Variants in CARMIL3 observed in about 807,000 individuals in gnomAD.
CARMIL3 encodes capping protein, Arp2/3 and myosin-I linker protein 3.
A neutral mutation model predicts 180.8 loss-of-function variants in CARMIL3; 88 were observed. That is an observed-to-expected ratio of 0.49 (90% CI 0.41 to 0.58). CARMIL3 has a LOEUF of 0.58. Ranked by LOEUF, CARMIL3 falls within the 20% of genes least tolerant of loss-of-function variation. The pLI, the probability that CARMIL3 is intolerant of heterozygous loss-of-function variation, is 0.00. For missense variants in CARMIL3, 1,548 were observed against 1,787.0 expected (o/e 0.87, Z 2.41); for synonymous variants, 696 against 714.5 (o/e 0.97, Z 0.41).
At position 24,060,270 on chromosome 14, in the gene CARMIL3, C is replaced by T; in HGVS notation, c.2061+15C>T. 6.2e-7 allele frequency: 1 copy of T among 1,612,870 alleles called. No homozygotes were observed. Among genetic ancestry groups the T allele is most frequent in the African/African-American group, 1.3e-5 (1 of 75,050 alleles). On this transcript the variant is annotated intron_variant, in intron 24 of 39. Coordinates refer to ENST00000342740, the MANE Select transcript of CARMIL3 (RefSeq NM_138360.4). Reference sequence around the variant, plus strand: ...GCGCCGAGCAAGTAAACGTTTCCCTCTGGGACACGGGGCATACCCGGGGCA... The same window carrying T: ...GCGCCGAGCAAGTAAACGTTTCCCTTTGGGACACGGGGCATACCCGGGGCA...
At position 24,059,961 on chromosome 14, in the gene CARMIL3, G is replaced by A. The variant is rs1227995680; in HGVS notation, c.1869-9G>A. 5 of 1,613,698 alleles carry A rather than the reference G, an allele frequency of 3.1e-6. No individual in the cohort carries two copies. In the South Asian group the frequency reaches 5.5e-5, roughly 18 times the overall value. On this transcript the variant is annotated splice_polypyrimidine_tract_variant and intron_variant, in intron 22 of 39. Transcript: ENST00000342740. The surrounding 1 kb of genome is among the most constrained non-coding windows in gnomAD (Gnocchi z 6.3). The stretch of plus-strand genomic sequence containing the variant: ...TGTTCCCACCCAGCTGTGCCCCTGT[G>A]TCCCACAGCAACCACACGCTGCGCT...
At chr14:24,057,345 C>A in intron 14 of CARMIL3, 101 bp downstream of exon 14, 1 of 1,069,896 alleles carries the variant, frequency 9.3e-7, no homozygotes, top group Non-Finnish European at 1.4e-6. Flanking sequence ...GCGGGCAGAG[C>A]TGTCTAGATG....
At chr14:24,062,110 C>T in intron 27 of CARMIL3, 1 of 364,458 alleles carries the variant, frequency 2.7e-6, no homozygotes, top group South Asian at 3.7e-5. Flanking sequence ...AACAGCTAGG[C>T]CCAAGGAAGG....
At position 24,059,837 on chromosome 14, in the gene CARMIL3, A is replaced by C. The variant is rs1324500971; in HGVS notation, c.1868+105A>C. The C allele has an allele frequency of 3.2e-5, 49 of 1,538,274 alleles. No homozygotes were observed. The highest frequency in any genetic ancestry group is 4.4e-5 in the Non-Finnish European group (49 of 1,113,550). ...ACCCTAGCCCCTTTGACCTATTTGC[A>C]CAGAAATTTTAGGAAGGGCCATGGA... is the stretch of plus-strand genomic sequence containing the variant. On this transcript the variant is annotated intron_variant, in intron 22 of 39. Coordinates refer to ENST00000342740, the MANE Select transcript of CARMIL3 (RefSeq NM_138360.4). This position sits in a 1 kb window ranked among gnomAD's most constrained non-coding sequence, Gnocchi z 6.3.
In CARMIL3 at chr14:24,069,727, A is replaced by C; in HGVS notation, c.*323A>C. ...TTGTATAGAATAAAAAAACAAAATC[A>C]TCGCCTGCCTCGAGTCTCTGCTATC... is the stretch of plus-strand genomic sequence containing the variant. On this transcript the variant is annotated 3_prime_UTR_variant, in exon 40 of 40. Transcript: ENST00000342740. 65 of 324,950 alleles carry C rather than the reference A, an allele frequency of 2.0e-4. No homozygotes were observed. The highest frequency in any genetic ancestry group is 9.0e-4 in the Middle Eastern group (1 of 1,112). The allele number at this position is 324,950 out of a possible 1,614,324, so 20.1% of individuals were successfully genotyped here.
Position 24,056,656 on chromosome 14 carries a change from C to T in CARMIL3, c.900C>T (p.Phe300=). The T allele has an allele frequency of 6.2e-7, 1 of 1,613,862 alleles. No individual in the cohort carries two copies. The highest frequency in any genetic ancestry group is 8.5e-7 in the Non-Finnish European group (1 of 1,180,024). The change falls in exon 12 of 40, where the codon TTC becomes TTT. Residue 300 remains phenylalanine, a synonymous_variant. Transcript: ENST00000342740. Reference sequence around the variant, plus strand: ...GTCTGAGCCAGCAGCTCCTCTGCTTCCCCTCTGGCCTCACCAAACTGTGCC... The same window carrying T: ...GTCTGAGCCAGCAGCTCCTCTGCTTTCCCTCTGGCCTCACCAAACTGTGCC... ...FLSLSQQLLC[F]PSGLTKLCLA...
Position 24,060,722 on chromosome 14 carries a change from G to C in CARMIL3, c.2156G>C (p.Arg719Pro), listed in dbSNP as rs766208447. Residue 719 changes from arginine (R) to proline (P), a missense_variant, in exon 25 of 40, where the codon CGG (arginine) becomes CCG (proline). Transcript: ENST00000342740. The part of the protein sequence containing the change: ...EPVQDELLYA[R>P]DLIKDAKNSR... ...GTGCAGGATGAGCTACTCTACGCTC[G>C]GGACCTCATCAAAGATGCCAAGAAC... 6.2e-7 allele frequency: 1 copy of C among 1,613,794 alleles called. No homozygotes were observed. The highest frequency in any genetic ancestry group is 8.5e-7 in the Non-Finnish European group (1 of 1,179,952).
At chr14:24,055,890 G>A in intron 10 of CARMIL3, 101 bp downstream of exon 10, 1 of 1,112,364 alleles carries the variant, frequency 9.0e-7, no homozygotes, top group Admixed American at 2.0e-5. Context: ...ATCTTATCCA[G>A]TGCCTCTCTC....
chr14:24,063,987 G>A (rs1032526512), intron 31 of CARMIL3, among the ~76,000 whole-genome samples: 3 of 151,862 alleles, frequency 2.0e-5, no homozygotes, highest in Admixed American at 6.6e-5. Flanking sequence ...CCAGCTACTC[G>A]GGAGGCTGAG....
At chr14:24,062,279 C>G in intron 27 of CARMIL3, 1 of 608,922 alleles carries the variant, frequency 1.6e-6, no homozygotes, top group Non-Finnish European at 2.9e-6. Context: ...GCTGGGGGCT[C>G]TGGGGTGGGA....
At chr14:24,052,423 C>T (rs1201633318) in intron 1 of CARMIL3, among the ~76,000 whole-genome samples, 1 of 152,238 alleles carries the variant, frequency 6.6e-6, no homozygotes, top group African/African-American at 2.4e-5. Context: ...CCGCCCGTCC[C>T]GCCCTTCGGT....
At position 24,064,385 on chromosome 14, in the gene CARMIL3, C is replaced by T. The variant is rs1235835433; in HGVS notation, c.3080+39C>T. 7 of 1,493,826 alleles carry T rather than the reference C, an allele frequency of 4.7e-6. No homozygotes were observed. The Admixed American group carries it at 9.2e-5, about 20-fold the overall frequency. The allele number at this position is 1,493,826 out of a possible 1,614,324, so 92.5% of individuals were successfully genotyped here. ...ACACACTCCCATTTTCAGCAGGCCCCAAGGCCCTAGAAGGGCTGCTGTGTC... is the reference window on the plus strand; with the variant it reads ...ACACACTCCCATTTTCAGCAGGCCCTAAGGCCCTAGAAGGGCTGCTGTGTC... On this transcript the variant is annotated intron_variant, in intron 32 of 39. Coordinates refer to ENST00000342740, the MANE Select transcript of CARMIL3 (RefSeq NM_138360.4).
Position 24,059,894 on chromosome 14 carries a change from G to T in CARMIL3, c.1869-76G>T. On this transcript the variant is annotated intron_variant, in intron 22 of 39. Coordinates refer to ENST00000342740, the MANE Select transcript of CARMIL3 (RefSeq NM_138360.4). The surrounding 1 kb of genome is among the most constrained non-coding windows in gnomAD (Gnocchi z 6.3). ...AAATGATGAGCAAGGGGGCTGGAGG[G>T]CTGCTCACCAACAGAGGAGGCAGGG... 1 of 1,557,786 alleles carries T rather than the reference G, an allele frequency of 6.4e-7. No homozygotes were observed. Among genetic ancestry groups the T allele is most frequent in the South Asian group, 1.1e-5 (1 of 89,698 alleles).
In CARMIL3 at chr14:24,068,687, A is replaced by G. The variant is rs762938544; in HGVS notation, c.3786A>G (p.Pro1262=). ...EGTLFPERTL[P]ARNAKLQDPA... is the part of the protein sequence containing the mutation. ...CCCTCTTCCCAGAGAGGACACTTCC[A>G]GCTAGGAATGCCAAGGTGAGAGCTG... The change falls in exon 37 of 40, where the codon CCA becomes CCG. Residue 1262 remains proline (P), a synonymous_variant. Transcript: ENST00000342740. 8.1e-6 allele frequency: 13 copies of G among 1,613,722 alleles called. No homozygotes were observed. Among genetic ancestry groups the G allele is most frequent in the Non-Finnish European group, 1.1e-5 (13 of 1,179,804 alleles).
chr14:24,058,798 A>G lies in CARMIL3; in HGVS notation c.1474+37A>G. On this transcript the variant is annotated intron_variant, in intron 18 of 39. Transcript: ENST00000342740. This position sits in a 1 kb window ranked among gnomAD's most constrained non-coding sequence, Gnocchi z 6.4. ...TTCCTCCCTTCCCTGGGGCCAGGGGAGAACAGGGGCCTGGAGCATGCAGAA... is the reference window on the plus strand; with the variant it reads ...TTCCTCCCTTCCCTGGGGCCAGGGGGGAACAGGGGCCTGGAGCATGCAGAA... 6.2e-7 allele frequency: 1 copy of G among 1,612,744 alleles called. No homozygotes were observed. The highest frequency in any genetic ancestry group is 8.5e-7 in the Non-Finnish European group (1 of 1,178,896).
intron 28 of CARMIL3, 69 bp from the exon 29 acceptor site, chr14:24,062,640 C>T (rs1816931069): frequency 6.2e-7 from 1 of 1,612,858 alleles, no homozygotes; most frequent in Admixed American, 1.7e-5. Flanking sequence ...TCCCTAATCA[C>T]CCTCCCCTTC....
intron 11 of CARMIL3, 72 bp from the exon 12 acceptor site, chr14:24,056,550 C>T (rs1395171660): frequency 3.2e-6 from 5 of 1,543,332 alleles, no homozygotes; most frequent in Non-Finnish European, 4.5e-6. Context: ...CTCGAGCCCC[C>T]AACCTGACTC....
intron 32 of CARMIL3, 133 bp from the exon 33 acceptor site, chr14:24,064,825 C>A: frequency 1.1e-6 from 1 of 911,870 alleles, no homozygotes; most frequent in Non-Finnish European, 1.7e-6. Context: ...GCAAGGGCAT[C>A]ATCTCCCTGA....
Position 24,068,660 on chromosome 14 carries a change from G to A in CARMIL3, c.3759G>A (p.Gly1253=), listed in dbSNP as rs371905810. 4.3e-6 allele frequency: 7 copies of A among 1,613,960 alleles called. No individual in the cohort carries two copies. Among genetic ancestry groups the A allele is most frequent in the Non-Finnish European group, 5.9e-6 (7 of 1,179,960 alleles). ...ASQDGEEEKE[G]TLFPERTLPA... ...AAGATGGGGAAGAGGAGAAGGAGGG[G>A]ACCCTCTTCCCAGAGAGGACACTTC... Residue 1253 remains glycine (G), a synonymous_variant, in exon 37 of 40, where the codon GGG becomes GGA. Transcript: ENST00000342740.
Sources: gnomAD v4.1 joint callset for allele counts (sites outside exome capture counted in the v4.1 genomes callset) on GRCh38, gnomAD v4.1.1 for gene constraint, Gnocchi (gnomAD v3.1) non-coding constraint, MANE v1.5 for transcripts, NCBI Gene and HGNC (gene_info 2026-07-23, HGNC 2026-07-21) for gene names.